Variants in NOMO1 observed in about 807,000 individuals in gnomAD.
The protein encoded by NOMO1 is nodal modulator 3.
Under a neutral mutation model 133.8 loss-of-function variants are expected in NOMO1, and 40 were observed. The ratio of observed to expected loss-of-function variants is 0.30; its 90% CI spans 0.23 to 0.39. The LOEUF (loss-of-function observed/expected upper bound fraction) is 0.39, where lower values mean the gene tolerates loss of function less well. Ranked by LOEUF, NOMO1 falls within the 10% of genes least tolerant of loss-of-function variation. The pLI, the probability that NOMO1 is intolerant of heterozygous loss-of-function variation, is 1.00. For missense variants in NOMO1, 462 were observed against 1,419.9 expected (o/e 0.33, Z 10.84); for synonymous variants, 236 against 570.5 (o/e 0.41, Z 8.36).
intron 5 of NOMO1, 90 bp downstream of exon 5, chr16:14,846,773 T>C (rs1429618120): frequency 4.5e-6 from 7 of 1,567,348 alleles, no homozygotes; most frequent in Non-Finnish European, 6.1e-6. Flanking sequence ...ATTCAGGGAG[T>C]TCTGGGTTCA....
chr16:14,845,392 C>T (rs980210859), intron 4 of NOMO1, among the ~76,000 whole-genome samples: 5 of 151,962 alleles, frequency 3.3e-5, no homozygotes, highest in South Asian at 2.1e-4. Context: ...ATTGGAAGGA[C>T]GCACTCTCTA....
rs417891 is a variant in NOMO1, at chr16:14,873,564, C to T, written c.2054+1235C>T. On this transcript the variant is annotated intron_variant, in intron 18 of 30. Transcript: ENST00000287667. ...GGTTTTTAGCTGGGGGTGGATTTGC[C>T]GAAGGTCTGTTGCTGTCTTTTACTA... 3.5e-3 allele frequency among the ~76,000 whole-genome samples: 512 copies of T among 148,402 alleles called. 1 individual carries two copies. Among genetic ancestry groups the T allele is most frequent in the East Asian group, 0.024 (118 of 4,896 alleles).
chr16:14,856,296 G>C (rs1312706256), intron 9 of NOMO1, among the ~76,000 whole-genome samples: 1 of 152,062 alleles, frequency 6.6e-6, no homozygotes, highest in Non-Finnish European at 1.5e-5. Context: ...CTGGAACTCA[G>C]TAACTGCAGA....
At chr16:14,887,650 C>T (rs1352728070) in intron 28 of NOMO1, among the ~76,000 whole-genome samples, 1 of 151,988 alleles carries the variant, frequency 6.6e-6, no homozygotes, top group African/African-American at 2.4e-5. Flanking sequence ...AACTAGGAAA[C>T]GCCATGATTT....
intron 9 of NOMO1, among the ~76,000 whole-genome samples, chr16:14,856,106 T>C (rs1014048612): frequency 1.3e-5 from 2 of 152,094 alleles, no homozygotes; most frequent in African/African-American, 4.8e-5. Flanking sequence ...GAGTCAGTTA[T>C]TGAGTGCCTG....
rs770029071 is a variant in NOMO1 at position 14,853,497 on chromosome 16, C to A, written c.766C>A (p.Pro256Thr). The A allele has an allele frequency of 7.5e-6, 12 of 1,593,874 alleles. No individual in the cohort carries two copies. Among genetic ancestry groups the A allele is most frequent in the Non-Finnish European group, 7.7e-6 (9 of 1,174,068 alleles). The change falls in exon 8 of 31, where the codon CCT becomes ACT. Residue 256 changes from proline (P) to threonine (T), a missense_variant. Transcript: ENST00000287667. The stretch of plus-strand genomic sequence containing the variant: ...CCTGGGCTGCAATGTCTCACCAGTG[C>A]CTGGGTTCCAGCCCCAAGACGAGAG... ...DVLGCNVSPV[P>T]GFQPQDESLV...
chr16:14,843,715 TTGTG>T (rs59391735), intron 3 of NOMO1, among the ~76,000 whole-genome samples: 1,492 of 125,972 alleles, frequency 0.012, 28 homozygotes, highest in African/African-American at 0.036. Context: ...ATTGGAGTCT[TTGTG>T]TGTGTGTGTG....
chr16:14,883,488 C>T (rs891275787), intron 26 of NOMO1, among the ~76,000 whole-genome samples: 33 of 151,770 alleles, frequency 2.2e-4, no homozygotes, highest in Middle Eastern at 3.2e-3. Context: ...CACACCATCA[C>T]ACCCGGCTAA....
rs1338339169 is a variant in NOMO1 at position 14,887,442 on chromosome 16, T to C, written c.3324+580T>C. 1.6e-4 allele frequency among the ~76,000 whole-genome samples: 24 copies of C among 151,774 alleles called. 1 individual carries two copies. The highest frequency in any genetic ancestry group is 3.4e-4 in the African/African-American group (14 of 41,258). The stretch of plus-strand genomic sequence containing the variant: ...CGAAGTAGCTGGGACTACAGGCGTG[T>C]GCCACCACACCCGGCTAATTCTTTT... On this transcript the variant is annotated intron_variant, in intron 28 of 30. Transcript: ENST00000287667.
At chr16:14,843,751 G>A (rs1429882693) in intron 3 of NOMO1, among the ~76,000 whole-genome samples, 5 of 140,006 alleles carry the variant, frequency 3.6e-5, no homozygotes, top group South Asian at 2.4e-4. Context: ...GTGCATGTAC[G>A]CGTGCAAGCA....
chr16:14,875,806 T>C (rs1964151503), intron 20 of NOMO1, among the ~76,000 whole-genome samples: 1 of 151,940 alleles, frequency 6.6e-6, no homozygotes, highest in South Asian at 2.1e-4. Flanking sequence ...CTTTCTGTTG[T>C]TCGGCAGAGC....
chr16:14,836,931 T>C, intron 1 of NOMO1, among the ~76,000 whole-genome samples: 1 of 151,534 alleles, frequency 6.6e-6, no homozygotes, highest in Non-Finnish European at 1.5e-5. Context: ...GGTCTCGATC[T>C]CCTGACCTCA....
At chr16:14,886,664 A>T in intron 27 of NOMO1, 97 bp from the exon 28 acceptor site, 1 of 1,604,650 alleles carries the variant, frequency 6.2e-7, no homozygotes. Flanking sequence ...GTTTCCAAAG[A>T]CACCCACCCA....
rs1430063013 is a variant in NOMO1, at chr16:14,895,663, G to T, written c.*18G>T. 1 of 1,611,874 alleles carries T rather than the reference G, an allele frequency of 6.2e-7. No homozygotes were observed. Among genetic ancestry groups the T allele is most frequent in the African/African-American group, 1.3e-5 (1 of 74,812 alleles). On this transcript the variant is annotated 3_prime_UTR_variant, in exon 31 of 31. Transcript: ENST00000287667. The stretch of plus-strand genomic sequence containing the variant: ...GGACTTGAGGAGGAAGGGGACAGTT[G>T]CAGTCTCACTTGGGACAGGCCACAG...
intron 1 of NOMO1, among the ~76,000 whole-genome samples, chr16:14,836,488 C>G (rs1415475942): frequency 1.3e-5 from 2 of 151,940 alleles, no homozygotes; most frequent in African/African-American, 2.4e-5. Flanking sequence ...AGAGCATTAA[C>G]ATTTTGGAGG....
chr16:14,840,345 G>T (rs868564420), intron 2 of NOMO1, among the ~76,000 whole-genome samples: 151 of 74,384 alleles, frequency 2.0e-3, no homozygotes, highest in Admixed American at 3.5e-3. Context: ...CTAGCACTTT[G>T]GGAGGTTGAG....
At chr16:14,835,982 C>T (rs1361576905) in intron 1 of NOMO1, among the ~76,000 whole-genome samples, 1 of 151,752 alleles carries the variant, frequency 6.6e-6, no homozygotes, top group African/African-American at 2.4e-5. Flanking sequence ...ACATTTTGTT[C>T]TCTAACAGGG....
chr16:14,867,174 ATATTTTTTTTTTT>A (rs1964014311), intron 15 of NOMO1, among the ~76,000 whole-genome samples: 2 of 13,928 alleles, frequency 1.4e-4, no homozygotes, highest in African/African-American at 3.3e-4. Flanking sequence ...ATATATATAT[ATATTTTTTTTTTT>A]TTTTTTTTTT....
chr16:14,870,849 T>G (rs1289826858), intron 16 of NOMO1, among the ~76,000 whole-genome samples: 1 of 146,590 alleles, frequency 6.8e-6, no homozygotes. Context: ...TGTGTACCAG[T>G]ACCTAGCATA....
Sources: gnomAD v4.1 joint callset for allele counts (sites outside exome capture counted in the v4.1 genomes callset) on GRCh38, gnomAD v4.1.1 for gene constraint, MANE v1.5 for transcripts, NCBI Gene and HGNC (gene_info 2026-07-23, HGNC 2026-07-21) for gene names.